CTNNBL1: variants seen among roughly 807,000 people sequenced by gnomAD.
CTNNBL1 encodes catenin beta like 1.
A neutral mutation model predicts 72.7 loss-of-function variants in CTNNBL1; 31 were observed. The ratio of observed to expected loss-of-function variants is 0.43; its 90% confidence interval spans 0.32 to 0.58. The LOEUF is 0.58. Ranked by LOEUF, CTNNBL1 falls within the 20% of genes least tolerant of loss-of-function variation. CTNNBL1 has a pLI of 0.08. For missense variants in CTNNBL1, 534 were observed against 725.1 expected (o/e 0.74, Z 3.03); for synonymous variants, 240 against 267.3 (o/e 0.90, Z 1.00).
intron 11 of CTNNBL1, among the ~76,000 whole-genome samples, chr20:37,827,667 T>C (rs1334361876): frequency 6.6e-6 from 1 of 152,210 alleles, no homozygotes; most frequent in African/African-American, 2.4e-5. Flanking sequence ...CTGTTAGATA[T>C]ACCCGGGTGC....
chr20:37,847,959 T>C (rs1267583401), intron 13 of CTNNBL1: 1 of 152,464 alleles, frequency 6.6e-6, no homozygotes, highest in Non-Finnish European at 1.5e-5. Context: ...TAAAGATTTA[T>C]ATGGAAGGGG....
At chr20:37,870,223 C>T (rs1444465022) in intron 15 of CTNNBL1, among the ~76,000 whole-genome samples, 3 of 152,152 alleles carry the variant, frequency 2.0e-5, no homozygotes, top group South Asian at 2.1e-4. Context: ...TTTCCTTTCT[C>T]TTCCTGGTCT....
intron 10 of CTNNBL1, among the ~76,000 whole-genome samples, chr20:37,786,813 AT>A (rs1281123559): frequency 2.0e-5 from 3 of 152,098 alleles, no homozygotes; most frequent in African/African-American, 7.2e-5. Context: ...GCTTAGTTTT[AT>A]TCTCTATTCC....
At chr20:37,705,717 C>T (rs998526002) in intron 1 of CTNNBL1, among the ~76,000 whole-genome samples, 7 of 152,188 alleles carry the variant, frequency 4.6e-5, no homozygotes, top group South Asian at 4.1e-4. Flanking sequence ...TATTTTCTAG[C>T]GCCAAGAATC....
Position 37,746,624 on chromosome 20 carries a change from G to A in CTNNBL1, c.466+17G>A, listed in dbSNP as rs1327198008. On this transcript the variant is annotated intron_variant, in intron 4 of 15. Transcript: ENST00000361383. ...ATAATACAGATATCCTTTCAGATCT[G>A]ACCTCAGTAGGAGAGCTGACATGGT... The A allele has an allele frequency of 6.2e-7, 1 of 1,613,766 alleles. No individual in the cohort carries two copies. Among genetic ancestry groups the A allele is most frequent in the Non-Finnish European group, 8.5e-7 (1 of 1,179,778 alleles).
chr20:37,870,499 A>G (rs1350709351), intron 15 of CTNNBL1, among the ~76,000 whole-genome samples: 1 of 152,024 alleles, frequency 6.6e-6, no homozygotes, highest in Non-Finnish European at 1.5e-5. Flanking sequence ...TGCAACATCC[A>G]TATCTCTTTC....
intron 3 of CTNNBL1, among the ~76,000 whole-genome samples, chr20:37,744,169 G>T (rs751678707): frequency 6.6e-6 from 1 of 152,152 alleles, no homozygotes; most frequent in Non-Finnish European, 1.5e-5. Context: ...AACATTAGAA[G>T]AATGTTAACC....
rs529789804 is a variant in CTNNBL1, at chr20:37,714,069, T to G, written c.31-18810T>G. ...AAGAGGGCTCCAATGGATGAAGTAC[T>G]CTAAAAAAAAAACAAGAAGGAAGAC... On this transcript the variant is annotated intron_variant, in intron 1 of 15. Transcript: ENST00000361383. Among the ~76,000 whole-genome samples, 431 of 134,474 alleles carry G rather than the reference T, an allele frequency of 3.2e-3. 5 individuals carry two copies. Among genetic ancestry groups the G allele is most frequent in the East Asian group, 0.021 (89 of 4,178 alleles). 88.2% of individuals were successfully genotyped at this position (134,474 alleles called of 152,430 possible).
chr20:37,753,396 G>C (rs77018598), intron 4 of CTNNBL1, among the ~76,000 whole-genome samples: 1 of 152,210 alleles, frequency 6.6e-6, no homozygotes, highest in East Asian at 1.9e-4. Context: ...TGTCTAAAAT[G>C]TTTCTTATTT....
intron 15 of CTNNBL1, among the ~76,000 whole-genome samples, chr20:37,866,294 G>T (rs528929307): frequency 6.6e-6 from 1 of 152,244 alleles, no homozygotes; most frequent in Non-Finnish European, 1.5e-5. Context: ...GCTGCCCGGG[G>T]TAGTGTGGTG....
At position 37,793,852 on chromosome 20, in the gene CTNNBL1, C is replaced by T. The variant is rs527993083; in HGVS notation, c.1032-9015C>T. Among the ~76,000 whole-genome samples, 10 of 152,148 alleles carry T rather than the reference C, an allele frequency of 6.6e-5. No individual in the cohort carries two copies. The South Asian group carries it at 1.2e-3, about 19-fold the overall frequency. ...CTGGAGTGCAGTGGCGTGATCTCAG[C>T]GCACTGCAACCTCTGCCTTCAGGGT... On this transcript the variant is annotated intron_variant, in intron 10 of 15. Coordinates refer to ENST00000361383, the MANE Select transcript of CTNNBL1 (RefSeq NM_030877.5).
At chr20:37,792,023 T>C (rs2073729924) in intron 10 of CTNNBL1, among the ~76,000 whole-genome samples, 1 of 152,194 alleles carries the variant, frequency 6.6e-6, no homozygotes, top group African/African-American at 2.4e-5. Context: ...TTTGTTCCAG[T>C]AGTCTTTTTC....
In CTNNBL1 at chr20:37,840,064, T is replaced by A. The variant is rs751041012; in HGVS notation, c.1214-38T>A. 7.4e-6 allele frequency: 11 copies of A among 1,484,036 alleles called. No homozygotes were observed. The Admixed American group carries it at 1.8e-4, about 25-fold the overall frequency. The allele number at this position is 1,484,036 out of a possible 1,614,324, so 91.9% of individuals were successfully genotyped here. A position where few individuals can be genotyped will look rare whatever the true frequency, so the allele number is the denominator to read the frequency against. On this transcript the variant is annotated intron_variant, in intron 11 of 15. Coordinates refer to ENST00000361383, the MANE Select transcript of CTNNBL1 (RefSeq NM_030877.5). ...TGAAGAGAGGTAATAATTACTGCTC[T>A]GATCTCAGCATGTTCTCTTTTCTCT...
At chr20:37,735,571 G>A (rs2073164570) in intron 2 of CTNNBL1, among the ~76,000 whole-genome samples, 1 of 152,208 alleles carries the variant, frequency 6.6e-6, no homozygotes, top group African/African-American at 2.4e-5. Context: ...ACTGAGCCAG[G>A]ACTCTGACTT....
intron 12 of CTNNBL1, 144 bp downstream of exon 12, chr20:37,840,343 A>G: frequency 3.1e-6 from 2 of 635,442 alleles, no homozygotes; most frequent in Non-Finnish European, 5.6e-6. Context: ...TTGCGTGTCA[A>G]AGGCTCTTCT....
At chr20:37,727,441 G>T (rs776951426) in intron 1 of CTNNBL1, 6 of 702,210 alleles carry the variant, frequency 8.5e-6, no homozygotes, top group African/African-American at 1.9e-5. Context: ...GCTACCAGCT[G>T]TGTGGTTGGA....
intron 10 of CTNNBL1, among the ~76,000 whole-genome samples, chr20:37,797,132 T>C (rs6020983): frequency 0.035 from 5,377 of 152,270 alleles, 344 homozygotes; most frequent in African/African-American, 0.12. Context: ...GTTTTTCTTT[T>C]TCCACCCACC....
At chr20:37,774,898 C>T (rs980978363) in intron 7 of CTNNBL1, among the ~76,000 whole-genome samples, 2 of 151,814 alleles carry the variant, frequency 1.3e-5, no homozygotes, top group African/African-American at 2.4e-5. Flanking sequence ...GATTTTTTTT[C>T]TATTTCTTTT....
chr20:37,804,429 G>A (rs2071934557), intron 11 of CTNNBL1, among the ~76,000 whole-genome samples: 1 of 152,182 alleles, frequency 6.6e-6, no homozygotes, highest in East Asian at 1.9e-4. Context: ...TAGAGGAGAT[G>A]AACTGGGAAG....
Sources: allele counts gnomAD v4.1 joint callset (sites outside exome capture counted in the v4.1 genomes callset), GRCh38; gene constraint gnomAD v4.1.1; transcripts MANE v1.5; gene names NCBI Gene and HGNC (gene_info 2026-07-23, HGNC 2026-07-21).